PWWP2A: variants seen among roughly 807,000 people sequenced by gnomAD.
PWWP2A encodes PWWP domain containing 2A.
A neutral mutation model predicts 48.5 loss-of-function variants in PWWP2A; 18 were observed. That is an observed-to-expected ratio of 0.37 (90% CI 0.26 to 0.55). The LOEUF (loss-of-function observed/expected upper bound fraction) is 0.55, where lower values mean the gene tolerates loss of function less well. Among genes scored for constraint, PWWP2A ranks in the 20% least tolerant of loss-of-function variants. The probability of loss-of-function intolerance (pLI) is 0.81; values close to 1 mark genes in which losing one functional copy is unlikely to be tolerated. For missense variants in PWWP2A, 867 were observed against 976.4 expected, an observed-to-expected ratio of 0.89 and a Z score of 1.49; for synonymous variants, 396 against 387.7, an observed-to-expected ratio of 1.02 and a Z score of -0.25.
At position 160,077,261 on chromosome 5, in the gene PWWP2A, A is replaced by G. The variant is rs1314854635; in HGVS notation, c.*894T>C. On this transcript the variant is annotated 3_prime_UTR_variant, in exon 4 of 4. Transcript: ENST00000456329. The surrounding 1 kb of genome is among the most constrained non-coding windows in gnomAD (Gnocchi z 4.2). The stretch of plus-strand genomic sequence containing the variant: ...TCTATGGAGAGAGGTCCACATCAAA[A>G]TTTAGACGTTGTCACCTTTTTTGAA... The G allele has an allele frequency of 6.6e-6, 1 of 152,144 alleles. No homozygotes were observed. Among genetic ancestry groups the G allele is most frequent in the Non-Finnish European group, 1.5e-5 (1 of 68,000 alleles). 9.4% of individuals were successfully genotyped at this position (152,144 alleles called of 1,614,324 possible).
At chr5:160,116,797 T>C (rs1758186059) in intron 1 of PWWP2A, 5 of 985,258 alleles carry the variant, frequency 5.1e-6, no homozygotes, top group Non-Finnish European at 6.0e-6. Context: ...CTTACTATTA[T>C]ATACATCAGT....
At chr5:160,072,348 A>C (rs1753757586), downstream of PWWP2A, among the ~76,000 whole-genome samples, 2 of 152,240 alleles carry the variant, frequency 1.3e-5, no homozygotes, top group South Asian at 4.1e-4. Flanking sequence ...CAATTAAAAA[A>C]AATGGATTAC....
chr5:160,060,568 A>G (rs1757671603), downstream of PWWP2A, among the ~76,000 whole-genome samples: 1 of 152,226 alleles, frequency 6.6e-6, no homozygotes, highest in African/African-American at 2.4e-5. Flanking sequence ...ATTACTGTCC[A>G]GATAGGGAAG....
chr5:160,074,758 A>C (rs1282601468), downstream of PWWP2A, among the ~76,000 whole-genome samples: 4 of 151,246 alleles, frequency 2.6e-5, no homozygotes, highest in Non-Finnish European at 5.9e-5. Context: ...AAAAAACAAA[A>C]AAAAAAACAA....
At chr5:160,066,607 C>A (rs899700946) in exon 4 of PWWP2A, 2 of 151,830 alleles carry the variant, frequency 1.3e-5, no homozygotes, top group African/African-American at 4.8e-5. Flanking sequence ...AGCAGCCCTT[C>A]ATAGTCTGGA....
At chr5:160,055,841 T>A in the PWWP2A span, among the ~76,000 whole-genome samples, 1 of 152,246 alleles carries the variant, frequency 6.6e-6, no homozygotes, top group African/African-American at 2.4e-5. Context: ...CTTCTTTGTG[T>A]TGTAGCTGCA....
chr5:160,083,702 G>A (rs1025345733), intron 2 of PWWP2A, among the ~76,000 whole-genome samples: 1 of 152,144 alleles, frequency 6.6e-6, no homozygotes, highest in Admixed American at 6.5e-5. Flanking sequence ...ATCTGAGATG[G>A]TCATCGGTCA....
intron 1 of PWWP2A, chr5:160,108,575 C>A (rs1757132480): frequency 2.3e-6 from 3 of 1,287,696 alleles, no homozygotes; most frequent in Admixed American, 2.3e-5. Context: ...ATATTTTTCC[C>A]ACCAAAAGTA....
the PWWP2A span, among the ~76,000 whole-genome samples, chr5:160,048,676 G>GA: frequency 1.6e-3 from 238 of 152,240 alleles, 3 homozygotes; most frequent in African/African-American, 5.5e-3. Context: ...TCAAGACCTA[G>GA]AAAAAAGAGA....
At chr5:160,075,525 A>T (rs1753848709), downstream of PWWP2A, among the ~76,000 whole-genome samples, 1 of 152,198 alleles carries the variant, frequency 6.6e-6, no homozygotes, top group Admixed American at 6.5e-5. Context: ...ATTTATCCAT[A>T]AGGGCAGGAT....
chr5:160,092,256 A>G lies in PWWP2A; in HGVS notation c.*126T>C. ...AAAATGGCTATAAGGTAAGTATTAA[A>G]AAGCCAGCCAACTGAGTGCAACTTC... On this transcript the variant is annotated 3_prime_UTR_variant, in exon 2 of 2. Coordinates refer to ENST00000307063, the MANE Select transcript of PWWP2A (RefSeq NM_001130864.2). The G allele has an allele frequency of 1.4e-6, 2 of 1,422,792 alleles. No individual in the cohort carries two copies. Among genetic ancestry groups the G allele is most frequent in the Non-Finnish European group, 1.8e-6 (2 of 1,089,138 alleles). 88.1% of individuals were successfully genotyped at this position (1,422,792 alleles called of 1,614,324 possible).
downstream of PWWP2A, chr5:160,061,662 T>C (rs1313228831): frequency 1.5e-5 from 2 of 130,072 alleles, no homozygotes; most frequent in Non-Finnish European, 3.3e-5. Context: ...CGCATTTTCT[T>C]TTTTTTTTTC....
chr5:160,062,958 G>A (rs1224311934), intron 5 of PWWP2A, among the ~76,000 whole-genome samples: 1 of 152,198 alleles, frequency 6.6e-6, no homozygotes, highest in Non-Finnish European at 1.5e-5. Flanking sequence ...ATGTGCCCGA[G>A]GCTGTGCCGC....
intron 4 of PWWP2A, among the ~76,000 whole-genome samples, chr5:160,064,145 T>C (rs2113429207): frequency 6.6e-6 from 1 of 152,088 alleles, no homozygotes. Flanking sequence ...ATTTTTGTAT[T>C]TTTTGTAGAG....
downstream of PWWP2A, among the ~76,000 whole-genome samples, chr5:160,088,389 T>C (rs537110755): frequency 1.3e-5 from 2 of 152,258 alleles, no homozygotes; most frequent in East Asian, 3.9e-4. Context: ...TATGCCACCA[T>C]GCGCAGCTAA....
downstream of PWWP2A, among the ~76,000 whole-genome samples, chr5:160,075,117 A>C (rs1362168322): frequency 6.6e-6 from 1 of 152,210 alleles, no homozygotes; most frequent in Non-Finnish European, 1.5e-5. Flanking sequence ...GACCAGGATC[A>C]GTATGAGTCT....
At chr5:160,110,774 G>A (rs1017578955) in intron 1 of PWWP2A, among the ~76,000 whole-genome samples, 6 of 151,950 alleles carry the variant, frequency 3.9e-5, no homozygotes, top group African/African-American at 1.5e-4. Flanking sequence ...GCTCACGCCT[G>A]TAATCCCATC....
chr5:160,102,397 C>CAAA lies in PWWP2A; in HGVS notation c.585-8335_585-8333dup, dbSNP rs70988002. ...TGGGCAACCAGGCGAGACTCCATCT[C>CAAA]AAAAAAAAAAAAAAAAAAAAAAAAT... On this transcript the variant is annotated intron_variant, in intron 1 of 1. Transcript: ENST00000307063. Among the ~76,000 whole-genome samples the CAAA allele has an allele frequency of 8.8e-3, 564 of 64,226 alleles. 14 individuals are homozygous for CAAA. Among genetic ancestry groups the CAAA allele is most frequent in the African/African-American group, 0.034 (522 of 15,418 alleles). 42.1% of individuals were successfully genotyped at this position (64,226 alleles called of 152,430 possible). A position where few individuals can be genotyped will look rare whatever the true frequency, so the allele number is the denominator to read the frequency against.
In PWWP2A at chr5:160,106,770, GATAC is replaced by G. The variant is rs530513684; in HGVS notation, c.584+12031_584+12034del. Among the ~76,000 whole-genome samples, 970 of 149,208 alleles carry G rather than the reference GATAC, an allele frequency of 6.5e-3. 11 individuals are homozygous for G. Among genetic ancestry groups the G allele is most frequent in the African/African-American group, 0.023 (932 of 40,548 alleles). On this transcript the variant is annotated intron_variant, in intron 1 of 1. Coordinates refer to ENST00000307063, the MANE Select transcript of PWWP2A (RefSeq NM_001130864.2). Reference sequence around the variant, plus strand: ...CCACCCGAGTTGCCCATCCCCACATGATACATTGCTTAGTTTGTAATTATGTCTC... The same window carrying G: ...CCACCCGAGTTGCCCATCCCCACATGATTGCTTAGTTTGTAATTATGTCTC...
Sources: allele counts gnomAD v4.1 joint callset (sites outside exome capture counted in the v4.1 genomes callset), GRCh38; gene constraint gnomAD v4.1.1; non-coding constraint Gnocchi (gnomAD v3.1); transcripts MANE v1.5; gene names NCBI Gene and HGNC (gene_info 2026-07-23, HGNC 2026-07-21).